LIMS1: variants seen among roughly 807,000 people sequenced by gnomAD.
LIMS1 encodes LIM zinc finger domain containing 1.
Under a neutral mutation model 44.1 loss-of-function variants are expected in LIMS1, and 18 were observed. The observed-to-expected ratio is 0.41, with a 90% CI of 0.28 to 0.61. The LOEUF (loss-of-function observed/expected upper bound fraction) is 0.61, where lower values mean the gene tolerates loss of function less well. Among genes scored for constraint, LIMS1 ranks in the 20% least tolerant of loss-of-function variants. The pLI, the probability that LIMS1 is intolerant of heterozygous loss-of-function variation, is 0.32. For synonymous variants in LIMS1, 93 were observed against 149.1 expected (o/e 0.62, Z 2.74); for missense variants, 201 against 422.0 (o/e 0.48, Z 4.59).
chr2:108,607,392 C>T, intron 1 of LIMS1: 1 of 839,146 alleles, frequency 1.2e-6, no homozygotes, highest in South Asian at 1.6e-5. Flanking sequence ...GATTTTTACA[C>T]AAGGGTGTAT....
chr2:108,620,976 G>C (rs750305162), intron 1 of LIMS1, among the ~76,000 whole-genome samples: 6 of 152,176 alleles, frequency 3.9e-5, no homozygotes, highest in Admixed American at 2.0e-4. Context: ...CTTCTTTAGC[G>C]ACTACCTTAC....
exon 10 of LIMS1, chr2:108,684,605 C>G (rs1392763633): frequency 6.6e-6 from 1 of 151,950 alleles, no homozygotes; most frequent in East Asian, 1.9e-4. Context: ...ATAACCTGCT[C>G]TCCTTGTGAA....
intron 1 of LIMS1, among the ~76,000 whole-genome samples, chr2:108,605,303 G>T (rs1558805684): frequency 6.6e-6 from 1 of 152,182 alleles, no homozygotes; most frequent in East Asian, 1.9e-4. Context: ...CCCCTGCTGG[G>T]CAAGGTGTTG....
chr2:108,678,310 C>T, intron 8 of LIMS1: 1 of 540,138 alleles, frequency 1.9e-6, no homozygotes, highest in Non-Finnish European at 3.2e-6. Flanking sequence ...CTGTTTGTGT[C>T]CAGTTTCAGG....
At position 108,629,114 on chromosome 2, in the gene LIMS1, TG is replaced by T. The variant is rs201363488; in HGVS notation, c.33-30488del. ...TTAAAGGAAGACTGTTGTGTGGTAT[TG>T]GGAGGAAATGGTACATTTTATTGTC... On this transcript the variant is annotated intron_variant, in intron 1 of 9. Coordinates refer to ENST00000544547, the Ensembl canonical transcript of LIMS1. Among the ~76,000 whole-genome samples the T allele has an allele frequency of 4.4e-3, 670 of 152,306 alleles. 4 individuals are homozygous for T. The highest frequency in any genetic ancestry group is 0.014 in the South Asian group (68 of 4,826).
At chr2:108,597,071 G>A (rs1432993820) in intron 1 of LIMS1, among the ~76,000 whole-genome samples, 2 of 151,400 alleles carry the variant, frequency 1.3e-5, no homozygotes, top group African/African-American at 4.9e-5. Context: ...ACCACACCCA[G>A]CTGATTTTTG....
intron 1 of LIMS1, among the ~76,000 whole-genome samples, chr2:108,612,732 A>T (rs563947124): frequency 6.6e-6 from 1 of 152,158 alleles, no homozygotes; most frequent in East Asian, 1.9e-4. Flanking sequence ...ACCATTCACA[A>T]TATTCACGTG....
intron 1 of LIMS1, among the ~76,000 whole-genome samples, chr2:108,567,577 T>G (rs1685336340): frequency 6.6e-6 from 1 of 152,098 alleles, no homozygotes; most frequent in Admixed American, 6.5e-5. Context: ...TCTTTGCTTG[T>G]TTTTTGTTTT....
At chr2:108,534,503 C>T in exon 1 of LIMS1, 4 of 1,171,954 alleles carry the variant, frequency 3.4e-6, no homozygotes, top group Non-Finnish European at 2.1e-6. Context: ...GACTAGGACG[C>T]GGCTGGAGCG....
At chr2:108,639,138 A>T (rs1227316040) in intron 1 of LIMS1, among the ~76,000 whole-genome samples, 1 of 152,184 alleles carries the variant, frequency 6.6e-6, no homozygotes, top group African/African-American at 2.4e-5. Context: ...ATCCAATGAA[A>T]ATCTTACCCA....
At chr2:108,572,274 A>G (rs2104634016) in intron 1 of LIMS1, among the ~76,000 whole-genome samples, 1 of 151,860 alleles carries the variant, frequency 6.6e-6, no homozygotes, top group East Asian at 1.9e-4. Flanking sequence ...AGCTACTTGT[A>G]TTCAATTTTA....
chr2:108,548,822 T>C (rs1684578054), intron 1 of LIMS1, among the ~76,000 whole-genome samples: 1 of 152,198 alleles, frequency 6.6e-6, no homozygotes, highest in Non-Finnish European at 1.5e-5. Context: ...ACTCCAAGGA[T>C]ATAAGGCATG....
intron 9 of LIMS1, among the ~76,000 whole-genome samples, chr2:108,682,763 T>TA (rs1693088554): frequency 1.3e-5 from 2 of 152,358 alleles, no homozygotes; most frequent in South Asian, 4.1e-4. Flanking sequence ...TCTAGTTTAA[T>TA]ATAATGTTTA....
At chr2:108,571,849 G>C (rs1438312700) in intron 1 of LIMS1, among the ~76,000 whole-genome samples, 3 of 152,176 alleles carry the variant, frequency 2.0e-5, no homozygotes, top group African/African-American at 7.2e-5. Flanking sequence ...TGTAGGGACA[G>C]GCACCTGAGA....
intron 1 of LIMS1, among the ~76,000 whole-genome samples, chr2:108,548,737 T>C (rs1684574658): frequency 1.3e-5 from 2 of 152,202 alleles, no homozygotes; most frequent in South Asian, 4.1e-4. Context: ...TCTCTGATAA[T>C]TTGCTCATTC....
At chr2:108,686,408 A>C (rs887980870) in exon 10 of LIMS1, 1 of 152,126 alleles carries the variant, frequency 6.6e-6, no homozygotes, top group Non-Finnish European at 1.5e-5. Context: ...TTATCTAGAT[A>C]CAGTACTTTC....
chr2:108,560,329 A>G (rs1417849142), intron 1 of LIMS1, among the ~76,000 whole-genome samples: 1 of 152,068 alleles, frequency 6.6e-6, no homozygotes, highest in Non-Finnish European at 1.5e-5. Context: ...ATTTTACCCT[A>G]AGGAAAAGCC....
chr2:108,619,645 C>G (rs1394784241), intron 1 of LIMS1, among the ~76,000 whole-genome samples: 2 of 152,144 alleles, frequency 1.3e-5, no homozygotes, highest in African/African-American at 4.8e-5. Flanking sequence ...GATTATGCCA[C>G]TGCACTCTAG....
chr2:108,589,288 C>G (rs1347733696), intron 1 of LIMS1, among the ~76,000 whole-genome samples: 1 of 151,860 alleles, frequency 6.6e-6, no homozygotes, highest in African/African-American at 2.4e-5. Flanking sequence ...GTACAATGAC[C>G]AAATCAGGGT....
Sources: gnomAD v4.1 joint callset for allele counts (sites outside exome capture counted in the v4.1 genomes callset) on GRCh38, gnomAD v4.1.1 for gene constraint, MANE v1.5 for transcripts, NCBI Gene and HGNC (gene_info 2026-07-23, HGNC 2026-07-21) for gene names.